TBC1D4: variants seen among roughly 807,000 people sequenced by gnomAD.
The protein encoded by TBC1D4 is TBC1 domain family member 4, also known as TBC (Tre-2, BUB2, CDC16) domain-containing protein.
TBC1D4 carries 121 observed loss-of-function variants against 142.5 expected under a neutral mutation model. The ratio of observed to expected loss-of-function variants is 0.85; its 90% CI spans 0.73 to 0.99. The LOEUF is 0.99. Among genes scored for constraint, TBC1D4 ranks in the 50% least tolerant of loss-of-function variants. The pLI is 0.00. For missense variants in TBC1D4, 1,475 were observed against 1,606.6 expected, an observed-to-expected ratio of 0.92 and a Z score of 1.40; for synonymous variants, 630 against 628.2, an observed-to-expected ratio of 1.00 and a Z score of -0.04.
At chr13:75,430,262 G>A (rs1886542993) in intron 1 of TBC1D4, among the ~76,000 whole-genome samples, 2 of 152,182 alleles carry the variant, frequency 1.3e-5, no homozygotes, top group African/African-American at 4.8e-5. Context: ...TTAGTTGGAA[G>A]ACATTCCTTT....
intron 1 of TBC1D4, among the ~76,000 whole-genome samples, chr13:75,387,885 C>T (rs1884266733): frequency 6.6e-6 from 1 of 152,158 alleles, no homozygotes; most frequent in African/African-American, 2.4e-5. Flanking sequence ...CATTTATTAC[C>T]TTACAGTTCT....
intron 1 of TBC1D4, among the ~76,000 whole-genome samples, chr13:75,478,365 G>A (rs561513232): frequency 1.3e-5 from 2 of 152,042 alleles, no homozygotes; most frequent in African/African-American, 4.8e-5. Context: ...TAAAGTATAC[G>A]GTCATCCAAC....
rs540666580 is a variant in TBC1D4, at chr13:75,335,569, G to A, written c.1731+1352C>T. Among the ~76,000 whole-genome samples, 17 of 152,230 alleles carry A rather than the reference G, an allele frequency of 1.1e-4. No individual in the cohort carries two copies. The South Asian group carries it at 1.2e-3, about 11-fold the overall frequency. ...ATTGTAATTCCCAATGTTGGAGGTCGGCCTGGTGGGAGGTGACCGGATCAC... is the reference window on the plus strand; with the variant it reads ...ATTGTAATTCCCAATGTTGGAGGTCAGCCTGGTGGGAGGTGACCGGATCAC... On this transcript the variant is annotated intron_variant, in intron 8 of 20. Transcript: ENST00000377636.
intron 1 of TBC1D4, among the ~76,000 whole-genome samples, chr13:75,380,263 G>A (rs1373687638): frequency 1.3e-5 from 2 of 151,794 alleles, no homozygotes; most frequent in South Asian, 2.1e-4. Flanking sequence ...CCTGAGGTCA[G>A]GGGTTCAAGA....
At chr13:75,403,999 T>C (rs182260346) in intron 1 of TBC1D4, among the ~76,000 whole-genome samples, 1 of 151,888 alleles carries the variant, frequency 6.6e-6, no homozygotes, top group African/African-American at 2.4e-5. Context: ...AAATCAGGTA[T>C]TTATATATAT....
intron 18 of TBC1D4, among the ~76,000 whole-genome samples, chr13:75,292,739 A>G (rs1875454706): frequency 6.8e-6 from 1 of 146,820 alleles, no homozygotes; most frequent in Non-Finnish European, 1.5e-5. Flanking sequence ...AAAAAAAAAC[A>G]TTAACAGAAA....
At chr13:75,425,113 AATATCCCAAAT>A (rs58826950) in intron 1 of TBC1D4, among the ~76,000 whole-genome samples, 15,470 of 152,206 alleles carry the variant, frequency 0.1, 1,175 homozygotes, top group African/African-American at 0.22. Flanking sequence ...ATAAGGGGTT[AATATCCCAAAT>A]ATATAAGGAA....
chr13:75,311,181 T>A (rs1877712037), intron 13 of TBC1D4, among the ~76,000 whole-genome samples: 1 of 152,220 alleles, frequency 6.6e-6, no homozygotes, highest in African/African-American at 2.4e-5. Context: ...CCACTCAGAT[T>A]TCCAGCCTCA....
At chr13:75,319,831 G>A (rs1014658871) in intron 12 of TBC1D4, among the ~76,000 whole-genome samples, 183 bp downstream of exon 12, 22 of 152,082 alleles carry the variant, frequency 1.4e-4, no homozygotes, top group African/African-American at 4.6e-4. Flanking sequence ...CATTTTACAT[G>A]GTAATTCATG....
At chr13:75,409,996 T>G (rs970028840) in intron 1 of TBC1D4, among the ~76,000 whole-genome samples, 1 of 152,340 alleles carries the variant, frequency 6.6e-6, no homozygotes, top group African/African-American at 2.4e-5. Flanking sequence ...TTAAATTTGT[T>G]CACCAAATTT....
At chr13:75,359,587 A>T (rs1445199729) in intron 3 of TBC1D4, among the ~76,000 whole-genome samples, 182 bp downstream of exon 3, 9 of 152,236 alleles carry the variant, frequency 5.9e-5, no homozygotes, top group Non-Finnish European at 1.3e-4. Flanking sequence ...CCTGGGCAGG[A>T]TTTTGGTGCT....
chr13:75,356,099 C>T (rs758029426), intron 4 of TBC1D4, 48 bp downstream of exon 4: 16 of 1,429,732 alleles, frequency 1.1e-5, no homozygotes, highest in East Asian at 4.6e-5. Context: ...GTCTTCTGTT[C>T]GACAGATGTG....
At chr13:75,443,586 C>T (rs1009834833) in intron 1 of TBC1D4, among the ~76,000 whole-genome samples, 2 of 152,188 alleles carry the variant, frequency 1.3e-5, no homozygotes, top group African/African-American at 4.8e-5. Context: ...TCAGAAGAGA[C>T]GTCCCACCTT....
intron 1 of TBC1D4, among the ~76,000 whole-genome samples, chr13:75,397,341 G>T (rs934296112): frequency 2.0e-5 from 3 of 152,082 alleles, no homozygotes; most frequent in Non-Finnish European, 4.4e-5. Flanking sequence ...ACGATGTGAT[G>T]ATATCAATTT....
rs1888070782 is a variant in TBC1D4, at chr13:75,463,947, A to G, written c.498+17323T>C. Among the ~76,000 whole-genome samples, 3 of 152,180 alleles carry G rather than the reference A, an allele frequency of 2.0e-5. No homozygotes were observed. The South Asian group carries it at 6.2e-4, about 32-fold the overall frequency. On this transcript the variant is annotated intron_variant, in intron 1 of 20. Transcript: ENST00000377636. ...TGTGACCCATCTCTTTCTTTTGGCTACAAGTAACAGAAAAACCAACTCAAC... is the reference window on the plus strand; with the variant it reads ...TGTGACCCATCTCTTTCTTTTGGCTGCAAGTAACAGAAAAACCAACTCAAC...
chr13:75,289,360 T>C (rs74096214), intron 19 of TBC1D4, among the ~76,000 whole-genome samples: 1 of 152,260 alleles, frequency 6.6e-6, no homozygotes, highest in African/African-American at 2.4e-5. Flanking sequence ...AGATAGATTA[T>C]TTCTATGCAA....
intron 1 of TBC1D4, among the ~76,000 whole-genome samples, chr13:75,384,776 C>A (rs915905199): frequency 2.0e-5 from 3 of 152,010 alleles, no homozygotes; most frequent in Non-Finnish European, 4.4e-5. Context: ...CTGAAATAAA[C>A]AAACAAAAAT....
At chr13:75,436,443 C>A (rs1314922085) in intron 1 of TBC1D4, among the ~76,000 whole-genome samples, 1 of 151,996 alleles carries the variant, frequency 6.6e-6, no homozygotes. Flanking sequence ...ATCATTTAAG[C>A]TCAGGGGTTC....
At chr13:75,313,655 G>A (rs1344676263) in intron 12 of TBC1D4, among the ~76,000 whole-genome samples, 2 of 152,134 alleles carry the variant, frequency 1.3e-5, no homozygotes, top group Middle Eastern at 3.2e-3. Flanking sequence ...CCAAGCAGCT[G>A]GGACTACAGG....
Sources: allele counts gnomAD v4.1 joint callset (sites outside exome capture counted in the v4.1 genomes callset), GRCh38; gene constraint gnomAD v4.1.1; transcripts MANE v1.5; gene names NCBI Gene and HGNC (gene_info 2026-07-23, HGNC 2026-07-21).